The following DENND5B variants were observed in gnomAD, a reference collection of about 807,000 sequenced individuals.
DENND5B encodes the protein DENN domain-containing protein 5B.
DENND5B carries 34 observed loss-of-function variants against 140.6 expected under a neutral mutation model. The observed-to-expected ratio is 0.24, with a 90% CI of 0.18 to 0.32. The LOEUF (loss-of-function observed/expected upper bound fraction) is 0.32, where lower values mean the gene tolerates loss of function less well. DENND5B is among the 10% of genes least tolerant of loss of function. The pLI is 1.00. For synonymous variants in DENND5B, 551 were observed against 562.1 expected (o/e 0.98, Z 0.28); for missense variants, 1,142 against 1,560.2 (o/e 0.73, Z 4.52).
At chr12:31,446,886 C>CAAAAA (rs534785761) in intron 6 of DENND5B, among the ~76,000 whole-genome samples, 1 of 71,310 alleles carries the variant, frequency 1.4e-5, no homozygotes, top group African/African-American at 5.5e-5. Context: ...GACTCCGCCT[C>CAAAAA]AAAAAAAAAA....
intron 1 of DENND5B, among the ~76,000 whole-genome samples, chr12:31,498,571 TAA>T (rs1946874179): frequency 1.3e-5 from 2 of 152,114 alleles, no homozygotes; most frequent in South Asian, 4.2e-4. Flanking sequence ...AAAAAAGGGG[TAA>T]CAGGAAAGAT....
At chr12:31,389,180 G>T in intron 20 of DENND5B, 144 bp downstream of exon 20, 1 of 744,706 alleles carries the variant, frequency 1.3e-6, no homozygotes, top group Non-Finnish European at 2.0e-6. Flanking sequence ...CTAGGCGATG[G>T]AGTGAGACTC....
At chr12:31,558,420 T>A (rs1949367717) in intron 1 of DENND5B, among the ~76,000 whole-genome samples, 1 of 152,200 alleles carries the variant, frequency 6.6e-6, no homozygotes, top group Non-Finnish European at 1.5e-5. Flanking sequence ...GGTTCTCACC[T>A]CTTTGATCTA....
chr12:31,417,001 A>T (rs1291880703), intron 11 of DENND5B, among the ~76,000 whole-genome samples: 2 of 123,890 alleles, frequency 1.6e-5, no homozygotes, highest in African/African-American at 6.4e-5. Flanking sequence ...TGAGGTTGGG[A>T]GGATCATCTG....
intron 1 of DENND5B, among the ~76,000 whole-genome samples, chr12:31,519,125 T>C (rs1026352282): frequency 6.6e-6 from 1 of 152,220 alleles, no homozygotes; most frequent in Non-Finnish European, 1.5e-5. Flanking sequence ...CGAAAGGAGA[T>C]ACGGAAGACA....
At chr12:31,391,943 A>T (rs1941169351) in intron 19 of DENND5B, among the ~76,000 whole-genome samples, 1 of 152,060 alleles carries the variant, frequency 6.6e-6, no homozygotes, top group Non-Finnish European at 1.5e-5. Context: ...GTTCAAGACC[A>T]GCCTGGCCAA....
intron 11 of DENND5B, among the ~76,000 whole-genome samples, chr12:31,420,445 AT>A (rs3032941): frequency 0.35 from 50,356 of 145,036 alleles, 9,571 homozygotes; most frequent in Non-Finnish European, 0.46. Flanking sequence ...CCTCCCAACA[AT>A]TTTTTTTTTT....
chr12:31,549,861 T>C (rs553776265), intron 1 of DENND5B, among the ~76,000 whole-genome samples: 22 of 152,236 alleles, frequency 1.4e-4, no homozygotes, highest in African/African-American at 4.1e-4. Flanking sequence ...CAGTCTATCA[T>C]TGATGGGCAT....
chr12:31,480,289 A>G, intron 2 of DENND5B, 34 bp from the exon 3 acceptor site: 1 of 1,446,400 alleles, frequency 6.9e-7, no homozygotes, highest in African/African-American at 1.4e-5. Flanking sequence ...ATCAGAATGC[A>G]GTACACAAAT....
chr12:31,443,366 C>T (rs929590929), intron 6 of DENND5B, among the ~76,000 whole-genome samples: 3 of 152,270 alleles, frequency 2.0e-5, no homozygotes, highest in African/African-American at 2.4e-5. Flanking sequence ...TGAGCCACCA[C>T]GCCCGGTCTT....
chr12:31,493,258 T>C (rs1413178575), intron 2 of DENND5B, among the ~76,000 whole-genome samples: 4 of 152,298 alleles, frequency 2.6e-5, no homozygotes, highest in South Asian at 2.1e-4. Context: ...CCTTTGAAAA[T>C]ATAAGAATTC....
In DENND5B at chr12:31,442,532, T is replaced by C. The variant is rs1593176264; in HGVS notation, c.2012+243A>G. Reference sequence around the variant, plus strand: ...ATTTAAAGTGTGGCTTTTCCAAGTGTACTTTGCTTGAAAAAGAAAAAAAAA... The same window carrying C: ...ATTTAAAGTGTGGCTTTTCCAAGTGCACTTTGCTTGAAAAAGAAAAAAAAA... On this transcript the variant is annotated intron_variant, in intron 7 of 20. Coordinates refer to ENST00000389082, the MANE Select transcript of DENND5B (RefSeq NM_144973.4). Among the ~76,000 whole-genome samples, 5 of 152,150 alleles carry C rather than the reference T, an allele frequency of 3.3e-5. No homozygotes were observed. The South Asian group carries it at 1.0e-3, about 32-fold the overall frequency.
intron 1 of DENND5B, chr12:31,499,645 G>T: frequency 2.7e-6 from 4 of 1,504,598 alleles, no homozygotes; most frequent in Non-Finnish European, 3.5e-6. Context: ...TTGCCATGAC[G>T]ATCTGCTTCT....
intron 1 of DENND5B, among the ~76,000 whole-genome samples, chr12:31,504,801 C>CG (rs142755427): frequency 0.021 from 3,120 of 152,194 alleles, 56 homozygotes; most frequent in South Asian, 0.052. Flanking sequence ...GGGGGTCAAA[C>CG]GATTAGTTCT....
intron 1 of DENND5B, among the ~76,000 whole-genome samples, chr12:31,559,282 C>T (rs1366715039): frequency 6.6e-6 from 1 of 152,106 alleles, no homozygotes; most frequent in African/African-American, 2.4e-5. Context: ...GACAAGCTTA[C>T]AAAACTGGAA....
intron 1 of DENND5B, among the ~76,000 whole-genome samples, chr12:31,548,040 C>T (rs1565684145): frequency 6.6e-6 from 1 of 152,042 alleles, no homozygotes; most frequent in Non-Finnish European, 1.5e-5. Flanking sequence ...TCTTCTTTCG[C>T]TTAAAACGTA....
chr12:31,418,305 G>A (rs752664801), intron 11 of DENND5B, among the ~76,000 whole-genome samples: 1 of 122,698 alleles, frequency 8.2e-6, no homozygotes, highest in Non-Finnish European at 1.6e-5. Flanking sequence ...TTTTGAGATA[G>A]GGTCTCACTC....
chr12:31,413,304 T>G, intron 13 of DENND5B, 132 bp downstream of exon 13: 1 of 1,108,140 alleles, frequency 9.0e-7, no homozygotes, highest in South Asian at 2.1e-5. Flanking sequence ...CACACGCCTG[T>G]TAGATAAAGA....
chr12:31,502,082 G>C (rs991697938), intron 1 of DENND5B, among the ~76,000 whole-genome samples: 2 of 151,946 alleles, frequency 1.3e-5, no homozygotes, highest in Non-Finnish European at 2.9e-5. Flanking sequence ...TTTGGGAGGC[G>C]GAGGTGGGCG....
Sources: gnomAD v4.1 joint callset for allele counts (sites outside exome capture counted in the v4.1 genomes callset) on GRCh38, gnomAD v4.1.1 for gene constraint, MANE v1.5 for transcripts, NCBI Gene and HGNC (gene_info 2026-07-23, HGNC 2026-07-21) for gene names.